The following CTSO variants were observed in gnomAD, a reference collection of about 807,000 sequenced individuals.
The protein encoded by CTSO is cathepsin O.
In CTSO, 40 loss-of-function variants were observed where a neutral mutation model predicts 42.4. The ratio of observed to expected loss-of-function variants is 0.94; its 90% CI spans 0.73 to 1.23. The LOEUF (loss-of-function observed/expected upper bound fraction) is 1.23. Among genes scored for constraint, CTSO ranks in the 50% most tolerant of loss-of-function variants. The pLI, the probability that CTSO is intolerant of heterozygous loss-of-function variation, is 0.00. For synonymous variants in CTSO, 156 were observed against 146.2 expected (o/e 1.07, Z -0.48); for missense variants, 441 against 396.0 (o/e 1.11, Z -0.96).
rs1277278516 is a variant in CTSO at position 155,924,292 on chromosome 4, C to T, written c.*1744G>A. ...AGTCAGCGAATACAAACTAGACAAG[C>T]AGGACATAGTTCTTTTCTGGCATTC... On this transcript the variant is annotated 3_prime_UTR_variant, in exon 8 of 8. Coordinates refer to ENST00000433477, the MANE Select transcript of CTSO (RefSeq NM_001334.3). 2 of 152,144 alleles carry T rather than the reference C, an allele frequency of 1.3e-5. No homozygotes were observed. The highest frequency in any genetic ancestry group is 4.1e-4 in the South Asian group (2 of 4,826). The allele number at this position is 152,144 out of a possible 1,614,324, so 9.4% of individuals were successfully genotyped here.
chr4:155,943,324 G>T, intron 1 of CTSO, 60 bp from the exon 2 acceptor site: 1 of 995,764 alleles, frequency 1.0e-6, no homozygotes, highest in Non-Finnish European at 1.5e-6. Flanking sequence ...AGTAAACTGT[G>T]TATAACTAAC....
chr4:155,930,312 G>T (rs115340283), intron 5 of CTSO, among the ~76,000 whole-genome samples: 8 of 152,194 alleles, frequency 5.3e-5, no homozygotes, highest in African/African-American at 1.4e-4. Flanking sequence ...TATAGGGAAG[G>T]GCTACTCAAA....
At chr4:155,935,856 T>C (rs1743320504) in intron 5 of CTSO, among the ~76,000 whole-genome samples, 1 of 152,214 alleles carries the variant, frequency 6.6e-6, no homozygotes, top group Admixed American at 6.5e-5. Flanking sequence ...TGTTAGAGTT[T>C]AATCTTCAAT....
chr4:155,928,691 T>A (rs533736649), intron 6 of CTSO, among the ~76,000 whole-genome samples: 2 of 152,314 alleles, frequency 1.3e-5, no homozygotes, highest in African/African-American at 4.8e-5. Context: ...AAACAAACAC[T>A]AATTTCCAAG....
intron 5 of CTSO, among the ~76,000 whole-genome samples, chr4:155,932,956 C>T (rs142379359): frequency 1.6e-4 from 25 of 152,286 alleles, no homozygotes; most frequent in African/African-American, 5.5e-4. Flanking sequence ...TCTCTTCTCT[C>T]TTATCTCCTC....
At chr4:155,940,629 G>A (rs1184907675) in intron 3 of CTSO, among the ~76,000 whole-genome samples, 1 of 152,144 alleles carries the variant, frequency 6.6e-6, no homozygotes, top group African/African-American at 2.4e-5. Context: ...CGGATCATGA[G>A]GTCAGGAGTT....
chr4:155,934,618 C>A (rs1743297691), intron 5 of CTSO, among the ~76,000 whole-genome samples: 1 of 152,180 alleles, frequency 6.6e-6, no homozygotes, highest in Non-Finnish European at 1.5e-5. Flanking sequence ...CATCTTGCAT[C>A]AGCATGACTT....
At chr4:155,944,388 C>CTGGATATA (rs1743503731) in intron 1 of CTSO, among the ~76,000 whole-genome samples, 1 of 152,016 alleles carries the variant, frequency 6.6e-6, no homozygotes, top group African/African-American at 2.4e-5. Context: ...TCAATATAAC[C>CTGGATATA]TGGATATATA....
At chr4:155,946,738 C>T (rs1743554454) in intron 1 of CTSO, among the ~76,000 whole-genome samples, 3 of 152,318 alleles carry the variant, frequency 2.0e-5, no homozygotes, top group South Asian at 4.1e-4. Context: ...CTCTAAACCA[C>T]TAAGTGCTCT....
At position 155,929,521 on chromosome 4, in the gene CTSO, C is replaced by G. The variant is rs200302394; in HGVS notation, c.838+21G>C. ...AGTGTCCATGCTGGAAAGCAGTCAA[C>G]TGAGTCTTATCAGCACTTACCTGTT... On this transcript the variant is annotated intron_variant, in intron 6 of 7. Coordinates refer to ENST00000433477, the MANE Select transcript of CTSO (RefSeq NM_001334.3). The G allele has an allele frequency of 2.4e-4, 378 of 1,600,090 alleles. 1 individual carries two copies. In the African/African-American group the frequency reaches 4.6e-3, roughly 19 times the overall value.
intron 1 of CTSO, among the ~76,000 whole-genome samples, chr4:155,944,763 A>G (rs1414465048): frequency 6.6e-6 from 1 of 151,956 alleles, no homozygotes; most frequent in Non-Finnish European, 1.5e-5. Flanking sequence ...CTCCCCTGAC[A>G]GCTGGTTTTT....
At chr4:155,949,362 T>C (rs1024103790) in intron 1 of CTSO, among the ~76,000 whole-genome samples, 6 of 152,214 alleles carry the variant, frequency 3.9e-5, no homozygotes, top group Non-Finnish European at 8.8e-5. Flanking sequence ...TGAACATCTA[T>C]TATTTTTCCC....
chr4:155,937,265 A>G (rs1256032255), intron 5 of CTSO, 97 bp downstream of exon 5: 1 of 858,142 alleles, frequency 1.2e-6, no homozygotes, highest in Admixed American at 2.3e-5. Context: ...ACAAGGATTA[A>G]GAGTATGCAG....
intron 3 of CTSO, among the ~76,000 whole-genome samples, chr4:155,941,165 CA>C (rs1054145574): frequency 4.0e-4 from 61 of 152,294 alleles, no homozygotes; most frequent in African/African-American, 1.3e-3. Context: ...AAACAGCTGG[CA>C]CCAAAACACT....
chr4:155,933,779 A>G (rs575434710), intron 5 of CTSO, among the ~76,000 whole-genome samples: 1 of 152,252 alleles, frequency 6.6e-6, no homozygotes, highest in African/African-American at 2.4e-5. Flanking sequence ...TTTGAACTTG[A>G]GAGAGATGAT....
At chr4:155,952,015 C>A (rs560718967) in intron 1 of CTSO, among the ~76,000 whole-genome samples, 68 of 152,206 alleles carry the variant, frequency 4.5e-4, no homozygotes, top group Non-Finnish European at 8.1e-4. Flanking sequence ...GGATAAAGTC[C>A]AACTAAGCAC....
intron 1 of CTSO, among the ~76,000 whole-genome samples, chr4:155,947,372 C>G (rs766231379): frequency 1.8e-4 from 28 of 152,176 alleles, no homozygotes; most frequent in Admixed American, 3.9e-4. Flanking sequence ...CCTCTATCTT[C>G]CTTTTCCTTT....
At chr4:155,938,189 C>G (rs1743365855) in intron 4 of CTSO, among the ~76,000 whole-genome samples, 1 of 152,160 alleles carries the variant, frequency 6.6e-6, no homozygotes, top group Admixed American at 6.5e-5. Flanking sequence ...GTCAAGCATT[C>G]TTTCTATCAC....
chr4:155,932,555 C>G (rs1345097284), intron 5 of CTSO, among the ~76,000 whole-genome samples: 1 of 152,142 alleles, frequency 6.6e-6, no homozygotes, highest in Non-Finnish European at 1.5e-5. Context: ...TTTCCCTGAG[C>G]CCTTTTCCTC....
Sources: gnomAD v4.1 joint callset for allele counts (sites outside exome capture counted in the v4.1 genomes callset) on GRCh38, gnomAD v4.1.1 for gene constraint, MANE v1.5 for transcripts, NCBI Gene and HGNC (gene_info 2026-07-23, HGNC 2026-07-21) for gene names.